KIAA1671: variants seen among roughly 807,000 people sequenced by gnomAD.
KIAA1671 encodes the protein KIAA1671, also known as uncharacterized protein KIAA1671.
A neutral mutation model predicts 131.2 loss-of-function variants in KIAA1671; 52 were observed. The ratio of observed to expected loss-of-function variants is 0.40; its 90% confidence interval spans 0.32 to 0.50. The LOEUF (loss-of-function observed/expected upper bound fraction) is 0.50, where lower values mean the gene tolerates loss of function less well. Ranked by LOEUF, KIAA1671 falls within the 20% of genes least tolerant of loss-of-function variation. The pLI is 0.73. For missense variants in KIAA1671, 2,360 were observed against 2,364.2 expected (o/e 1.00, Z 0.04); for synonymous variants, 1,003 against 961.6 (o/e 1.04, Z -0.80).
intron 1 of KIAA1671, among the ~76,000 whole-genome samples, chr22:25,021,537 T>C (rs73395685): frequency 0.027 from 4,163 of 151,596 alleles, 182 homozygotes; most frequent in African/African-American, 0.096. Flanking sequence ...GTTTTCTATT[T>C]GTTTTGTTCA....
At chr22:24,992,607 G>A (rs113288208) in intron 1 of KIAA1671, among the ~76,000 whole-genome samples, 5,437 of 152,034 alleles carry the variant, frequency 0.036, 311 homozygotes, top group African/African-American at 0.12. Context: ...TTGAGGTCAG[G>A]AGTTCGAGAC....
intron 6 of KIAA1671, among the ~76,000 whole-genome samples, chr22:25,078,021 CG>C (rs1929208726): frequency 6.6e-6 from 1 of 152,078 alleles, no homozygotes; most frequent in African/African-American, 2.4e-5. Flanking sequence ...ATTATTTTAC[CG>C]AAGAGAAAAC....
intron 6 of KIAA1671, among the ~76,000 whole-genome samples, chr22:25,126,158 T>C (rs955662061): frequency 6.6e-6 from 1 of 152,190 alleles, no homozygotes; most frequent in African/African-American, 2.4e-5. Context: ...GGTCTATTAA[T>C]TCCCAGTCCC....
Position 25,029,514 on chromosome 22 carries a change from G to T in KIAA1671, c.1515G>T (p.Arg505=). ...TCAGGAGGAGGACGTTCCAGGCTCG[G>T]CCGCTGTCGGCGGATTTGACCAAAT... ...PEVRRRTFQA[R]PLSADLTKLF... Residue 505 remains arginine (R), a synonymous_variant, in exon 3 of 13, where the codon CGG becomes CGT. Coordinates refer to ENST00000358431, the MANE Select transcript of KIAA1671 (RefSeq NM_001145206.2). The T allele has an allele frequency of 1.3e-6, 2 of 1,546,402 alleles. No homozygotes were observed. The highest frequency in any genetic ancestry group is 1.7e-6 in the Non-Finnish European group (2 of 1,144,298).
intron 1 of KIAA1671, among the ~76,000 whole-genome samples, chr22:25,017,573 A>T (rs923438096): frequency 1.3e-5 from 2 of 152,176 alleles, no homozygotes; most frequent in African/African-American, 4.8e-5. Flanking sequence ...CAGTTGCATG[A>T]TATAAATGTA....
At chr22:25,109,301 G>C (rs929698859) in intron 6 of KIAA1671, among the ~76,000 whole-genome samples, 2 of 151,948 alleles carry the variant, frequency 1.3e-5, no homozygotes, top group Admixed American at 1.3e-4. Context: ...GTAGAGACGG[G>C]GTTTCACCAT....
chr22:24,984,780 G>A (rs1923426571), intron 1 of KIAA1671, among the ~76,000 whole-genome samples: 1 of 151,954 alleles, frequency 6.6e-6, no homozygotes, highest in Admixed American at 6.6e-5. Flanking sequence ...TGGGCTTGGC[G>A]GCATGTGCCT....
intron 6 of KIAA1671, among the ~76,000 whole-genome samples, chr22:25,083,004 G>A (rs1334390832): frequency 6.6e-6 from 1 of 152,190 alleles, no homozygotes; most frequent in African/African-American, 2.4e-5. Context: ...TAATATAAAT[G>A]TAATAATATC....
intron 1 of KIAA1671, among the ~76,000 whole-genome samples, chr22:24,973,554 C>T (rs763049526): frequency 1.1e-4 from 17 of 151,614 alleles, no homozygotes; most frequent in Admixed American, 5.9e-4. Context: ...CCACCATGCC[C>T]GGCTAATTTT....
chr22:25,118,621 C>G (rs1395774664), intron 6 of KIAA1671, among the ~76,000 whole-genome samples: 5 of 152,044 alleles, frequency 3.3e-5, no homozygotes, highest in African/African-American at 1.2e-4. Flanking sequence ...ACTGTCAGCC[C>G]CCCACACACT....
intron 1 of KIAA1671, among the ~76,000 whole-genome samples, chr22:24,977,366 G>GT (rs1457204649): frequency 6.6e-6 from 1 of 152,220 alleles, no homozygotes; most frequent in Non-Finnish European, 1.5e-5. Context: ...ACCATGCGCT[G>GT]TTGTCTGCTC....
intron 6 of KIAA1671, among the ~76,000 whole-genome samples, chr22:25,087,503 A>C (rs1224020151): frequency 2.6e-5 from 4 of 152,158 alleles, no homozygotes; most frequent in Admixed American, 6.5e-5. Context: ...GAGTCACTTG[A>C]ACCTAGGAGG....
At chr22:24,994,423 T>C (rs1397972274) in intron 1 of KIAA1671, among the ~76,000 whole-genome samples, 1 of 152,172 alleles carries the variant, frequency 6.6e-6, no homozygotes, top group Non-Finnish European at 1.5e-5. Flanking sequence ...TGGGAGCCTA[T>C]AGAACATGCC....
intron 1 of KIAA1671, among the ~76,000 whole-genome samples, chr22:24,975,638 A>G (rs1922872408): frequency 6.6e-6 from 1 of 152,164 alleles, no homozygotes; most frequent in Non-Finnish European, 1.5e-5. Flanking sequence ...ATTGAAATAT[A>G]TGAAATTGCC....
At chr22:25,165,302 T>C (rs1601374239) in intron 6 of KIAA1671, among the ~76,000 whole-genome samples, 1 of 152,314 alleles carries the variant, frequency 6.6e-6, no homozygotes, top group East Asian at 1.9e-4. Flanking sequence ...CTGCTTTGAT[T>C]GAACATTGAG....
chr22:25,101,848 GGGACCT>G (rs1422552890), intron 6 of KIAA1671, among the ~76,000 whole-genome samples: 2 of 152,232 alleles, frequency 1.3e-5, no homozygotes, highest in East Asian at 3.9e-4. Context: ...CCACAGGCTC[GGGACCT>G]GGAGGGGAAG....
At chr22:24,991,235 C>T (rs1923825696) in intron 1 of KIAA1671, among the ~76,000 whole-genome samples, 1 of 151,382 alleles carries the variant, frequency 6.6e-6, no homozygotes, top group Non-Finnish European at 1.5e-5. Context: ...GCTGGTCAGG[C>T]TGGTCACGAA....
At chr22:25,001,122 T>C (rs1045568138) in intron 1 of KIAA1671, among the ~76,000 whole-genome samples, 1 of 152,130 alleles carries the variant, frequency 6.6e-6, no homozygotes, top group East Asian at 1.9e-4. Context: ...TATAGTTCTT[T>C]ATATATTCTG....
chr22:24,966,404 C>T (rs1247260101), intron 1 of KIAA1671, among the ~76,000 whole-genome samples: 1 of 152,148 alleles, frequency 6.6e-6, no homozygotes, highest in African/African-American at 2.4e-5. Context: ...GGACTTGAAG[C>T]CTGGGTTTTG....
Sources: gnomAD v4.1 joint callset for allele counts (sites outside exome capture counted in the v4.1 genomes callset) on GRCh38, gnomAD v4.1.1 for gene constraint, MANE v1.5 for transcripts, NCBI Gene and HGNC (gene_info 2026-07-23, HGNC 2026-07-21) for gene names.